The following STK32B variants were observed in gnomAD, a reference collection of about 807,000 sequenced individuals.
STK32B encodes serine/threonine kinase 32B, also known as serine/threonine-protein kinase 32B.
STK32B carries 43 observed loss-of-function variants against 52.6 expected under a neutral mutation model. The ratio of observed to expected loss-of-function variants is 0.82; its 90% CI spans 0.64 to 1.05. STK32B has a LOEUF of 1.05. STK32B is among the 50% of genes least tolerant of loss of function. The pLI, the probability that STK32B is intolerant of heterozygous loss-of-function variation, is 0.00. For synonymous variants in STK32B, 238 were observed against 204.3 expected, an observed-to-expected ratio of 1.17 and a Z score of -1.41; for missense variants, 621 against 534.6, an observed-to-expected ratio of 1.16 and a Z score of -1.59.
At chr4:5,344,282 T>G (rs1204552523) in intron 4 of STK32B, among the ~76,000 whole-genome samples, 4 of 152,230 alleles carry the variant, frequency 2.6e-5, no homozygotes, top group Non-Finnish European at 4.4e-5. Flanking sequence ...CTTTTTTGAT[T>G]AAAATTTTTA....
chr4:5,250,307 GTTC>G (rs1725823167), intron 3 of STK32B, among the ~76,000 whole-genome samples: 1 of 135,954 alleles, frequency 7.4e-6, no homozygotes, highest in Non-Finnish European at 1.6e-5. Flanking sequence ...TCTGTTTTAA[GTTC>G]TTTTTTTTTT....
At chr4:5,357,677 A>G (rs777346065) in intron 4 of STK32B, among the ~76,000 whole-genome samples, 1 of 126,264 alleles carries the variant, frequency 7.9e-6, no homozygotes, top group Non-Finnish European at 1.6e-5. Context: ...TACTTTTTAA[A>G]TATTCACACA....
At chr4:5,254,020 C>T (rs976720964) in intron 3 of STK32B, among the ~76,000 whole-genome samples, 2 of 151,870 alleles carry the variant, frequency 1.3e-5, no homozygotes, top group South Asian at 2.1e-4. Flanking sequence ...CTCCTGACCT[C>T]GTGATCCACC....
chr4:5,138,836 G>T (rs1390363170), intron 1 of STK32B, among the ~76,000 whole-genome samples: 1 of 152,202 alleles, frequency 6.6e-6, no homozygotes. Context: ...AGCACTCAAG[G>T]CCTGGGAGTA....
intron 1 of STK32B, among the ~76,000 whole-genome samples, chr4:5,093,017 G>A (rs1000786094): frequency 6.6e-6 from 1 of 152,062 alleles, no homozygotes; most frequent in African/African-American, 2.4e-5. Context: ...TGAACAACAT[G>A]GATTTGAACT....
chr4:5,452,684 A>G (rs918491635), intron 7 of STK32B, among the ~76,000 whole-genome samples: 18 of 152,238 alleles, frequency 1.2e-4, no homozygotes, highest in Middle Eastern at 3.4e-3. Flanking sequence ...ATTGGATTAG[A>G]TGGTCTCCAA....
At chr4:5,377,234 T>C (rs1356658949) in intron 4 of STK32B, among the ~76,000 whole-genome samples, 1 of 152,186 alleles carries the variant, frequency 6.6e-6, no homozygotes, top group African/African-American at 2.4e-5. Flanking sequence ...CCATTAAAAA[T>C]TCACACTTTT....
At chr4:5,279,953 C>T (rs528931253) in intron 3 of STK32B, among the ~76,000 whole-genome samples, 16 of 152,310 alleles carry the variant, frequency 1.1e-4, no homozygotes, top group Non-Finnish European at 1.9e-4. Flanking sequence ...ACCACATTTT[C>T]CTTCTAGGCC....
rs192977677 is a variant in STK32B at position 5,076,479 on chromosome 4, G to C, written c.52+24564G>C. The stretch of plus-strand genomic sequence containing the variant: ...TTTCCTTACAGTTGTCAATTCCCCA[G>C]AGTGGAATTACTAGACAAAAGCATA... On this transcript the variant is annotated intron_variant, in intron 1 of 11. Transcript: ENST00000282908. Among the ~76,000 whole-genome samples the C allele has an allele frequency of 1.4e-4, 21 of 152,222 alleles. No homozygotes were observed. In the East Asian group the frequency reaches 3.3e-3, roughly 24 times the overall value.
intron 3 of STK32B, among the ~76,000 whole-genome samples, chr4:5,244,732 C>G (rs1473402262): frequency 1.3e-5 from 2 of 152,178 alleles, no homozygotes; most frequent in Non-Finnish European, 2.9e-5. Context: ...AAATTTCCCT[C>G]TACACACTGC....
chr4:5,117,106 C>G (rs929830571), intron 1 of STK32B, among the ~76,000 whole-genome samples: 3 of 151,906 alleles, frequency 2.0e-5, no homozygotes, highest in African/African-American at 2.4e-5. Flanking sequence ...AGTTTCATAA[C>G]TTCCTTTCCA....
At chr4:5,479,887 G>C (rs1047513887) in intron 11 of STK32B, among the ~76,000 whole-genome samples, 49 of 152,238 alleles carry the variant, frequency 3.2e-4, no homozygotes, top group Non-Finnish European at 6.6e-4. Context: ...ACTACAGAGA[G>C]GCAGGATATG....
chr4:5,315,613 G>A (rs1730619527), intron 3 of STK32B, among the ~76,000 whole-genome samples: 2 of 151,652 alleles, frequency 1.3e-5, no homozygotes, highest in South Asian at 4.2e-4. Context: ...TAATACCTCT[G>A]GAAAGAGTAG....
intron 6 of STK32B, among the ~76,000 whole-genome samples, chr4:5,427,367 A>C (rs1713194057): frequency 1.3e-5 from 2 of 152,190 alleles, no homozygotes; most frequent in East Asian, 3.8e-4. Flanking sequence ...TCTTGTAACA[A>C]CTTGGTGTGG....
intron 3 of STK32B, among the ~76,000 whole-genome samples, chr4:5,219,427 C>G (rs1402302803): frequency 6.6e-6 from 1 of 152,236 alleles, no homozygotes; most frequent in Non-Finnish European, 1.5e-5. Context: ...AGAGAAGAGC[C>G]TTGAGGAAGG....
At chr4:5,267,647 C>T (rs998827120) in intron 3 of STK32B, among the ~76,000 whole-genome samples, 1 of 152,186 alleles carries the variant, frequency 6.6e-6, no homozygotes, top group Non-Finnish European at 1.5e-5. Flanking sequence ...CAAGTTTATT[C>T]ATATATTCTG....
intron 3 of STK32B, among the ~76,000 whole-genome samples, chr4:5,271,075 C>G (rs1379347077): frequency 2.0e-5 from 3 of 152,012 alleles, no homozygotes; most frequent in African/African-American, 7.3e-5. Flanking sequence ...GTAGCTGGGA[C>G]TGCAGGTGCA....
intron 1 of STK32B, among the ~76,000 whole-genome samples, chr4:5,068,652 A>AT (rs1200003555): frequency 6.6e-6 from 1 of 152,040 alleles, no homozygotes; most frequent in African/African-American, 2.4e-5. Context: ...CAGAATTATT[A>AT]TTATTTTTTT....
At chr4:5,358,778 G>A (rs1734345515) in intron 4 of STK32B, among the ~76,000 whole-genome samples, 1 of 152,116 alleles carries the variant, frequency 6.6e-6, no homozygotes, top group East Asian at 1.9e-4. Flanking sequence ...ATCCAGTGCA[G>A]CCTCCCTTTC....
Sources: allele counts gnomAD v4.1 joint callset (sites outside exome capture counted in the v4.1 genomes callset), GRCh38; gene constraint gnomAD v4.1.1; transcripts MANE v1.5; gene names NCBI Gene and HGNC (gene_info 2026-07-23, HGNC 2026-07-21).